Variants in MAD1L1 observed in about 807,000 individuals in gnomAD.
MAD1L1 encodes mitotic spindle assembly checkpoint protein MAD1.
A neutral mutation model predicts 96.9 loss-of-function variants in MAD1L1; 95 were observed. That is an observed-to-expected ratio of 0.98 (90% CI 0.83 to 1.16). The LOEUF is 1.16. Ranked by LOEUF, MAD1L1 falls within the 50% of genes most tolerant of loss-of-function variation. The probability of loss-of-function intolerance (pLI) is 0.00; values close to 1 mark genes in which losing one functional copy is unlikely to be tolerated. For synonymous variants in MAD1L1, 473 were observed against 396.6 expected (o/e 1.19, Z -2.29); for missense variants, 1,007 against 954.4 (o/e 1.06, Z -0.73).
intron 11 of MAD1L1, chr7:2,079,755 G>A (rs527551153): frequency 1.2e-4 from 57 of 470,918 alleles, no homozygotes; most frequent in South Asian, 7.6e-4. Context: ...CGGCAAGCAC[G>A]GCCGCAGGGA....
intron 10 of MAD1L1, among the ~76,000 whole-genome samples, chr7:2,167,223 C>A (rs1392207401): frequency 2.0e-5 from 3 of 152,174 alleles, no homozygotes; most frequent in Non-Finnish European, 4.4e-5. Context: ...TCAGAGATAA[C>A]AGGTGACATT....
chr7:1,889,453 C>A (rs113862945), intron 18 of MAD1L1, among the ~76,000 whole-genome samples: 1 of 152,204 alleles, frequency 6.6e-6, no homozygotes, highest in Non-Finnish European at 1.5e-5. Flanking sequence ...AGCTCTGGAC[C>A]CTAGGCCAGG....
intron 18 of MAD1L1, among the ~76,000 whole-genome samples, chr7:1,841,502 C>G (rs1287798894): frequency 6.6e-6 from 1 of 152,358 alleles, no homozygotes; most frequent in East Asian, 1.9e-4. Context: ...GCCTCCTGAC[C>G]TCGGCCTGGC....
chr7:2,191,577 A>G (rs1791719668), intron 10 of MAD1L1, among the ~76,000 whole-genome samples: 1 of 152,002 alleles, frequency 6.6e-6, no homozygotes, highest in Non-Finnish European at 1.5e-5. Context: ...CTAAAAATAC[A>G]AAAATTAGCT....
chr7:2,227,479 T>A (rs867722595), intron 3 of MAD1L1, among the ~76,000 whole-genome samples: 2 of 152,222 alleles, frequency 1.3e-5, no homozygotes, highest in African/African-American at 4.8e-5. Flanking sequence ...TGTCTGCTGC[T>A]GGCTGGCGTC....
intron 12 of MAD1L1, among the ~76,000 whole-genome samples, chr7:2,025,794 T>G (rs1032655583): frequency 1.3e-5 from 2 of 152,220 alleles, no homozygotes; most frequent in Admixed American, 1.3e-4. Flanking sequence ...GAAGTATTAA[T>G]TTTATTAGAC....
intron 1 of MAD1L1, among the ~76,000 whole-genome samples, chr7:2,232,352 G>A (rs1002127106): frequency 6.6e-6 from 1 of 152,372 alleles, no homozygotes; most frequent in East Asian, 1.9e-4. Context: ...GCCCAAACGA[G>A]ATCAGGGTGG....
At chr7:1,888,811 G>A (rs569388278) in intron 18 of MAD1L1, among the ~76,000 whole-genome samples, 2 of 152,330 alleles carry the variant, frequency 1.3e-5, no homozygotes, top group South Asian at 2.1e-4. Flanking sequence ...GTGGGTGGCT[G>A]TGCATGCGTG....
At chr7:1,964,386 G>A (rs924193179) in intron 15 of MAD1L1, among the ~76,000 whole-genome samples, 4 of 152,232 alleles carry the variant, frequency 2.6e-5, no homozygotes, top group African/African-American at 7.2e-5. Context: ...AATGACCTGC[G>A]TGACCCACCC....
At chr7:1,888,248 G>A (rs1026456821) in intron 18 of MAD1L1, among the ~76,000 whole-genome samples, 4 of 128,614 alleles carry the variant, frequency 3.1e-5, no homozygotes, top group African/African-American at 5.2e-5. Flanking sequence ...GGCTGCCTAT[G>A]CATCTGTATG....
At position 2,003,211 on chromosome 7, in the gene MAD1L1, C is replaced by A. The variant is rs368142856; in HGVS notation, c.1360-1090G>T. Among the ~76,000 whole-genome samples, 4 of 152,312 alleles carry A rather than the reference C, an allele frequency of 2.6e-5. No homozygotes were observed. In the South Asian group the frequency reaches 6.2e-4, roughly 24 times the overall value. On this transcript the variant is annotated intron_variant, in intron 13 of 18. Coordinates refer to ENST00000265854, the MANE Select transcript of MAD1L1 (RefSeq NM_001013836.2). ...TGCCTGGCCCAGCGGCAACTGGAAA[C>A]CACCAGGCAAGTCACCAGGAGAAAC...
intron 10 of MAD1L1, among the ~76,000 whole-genome samples, chr7:2,150,236 C>T (rs1362069173): frequency 6.6e-6 from 1 of 152,162 alleles, no homozygotes; most frequent in African/African-American, 2.4e-5. Context: ...TCGGGTGGAT[C>T]CCGGGCACAC....
chr7:2,070,707 G>A (rs1243429070), intron 11 of MAD1L1, among the ~76,000 whole-genome samples: 1 of 152,204 alleles, frequency 6.6e-6, no homozygotes, highest in Non-Finnish European at 1.5e-5. Context: ...ACACAGCACT[G>A]GGATAGAGAA....
chr7:2,145,462 GA>G (rs1562727752), intron 11 of MAD1L1, among the ~76,000 whole-genome samples: 1 of 152,246 alleles, frequency 6.6e-6, no homozygotes, highest in Non-Finnish European at 1.5e-5. Flanking sequence ...CATTCAGACA[GA>G]AACTTCAGTC....
At chr7:2,121,932 A>T (rs1788001636) in intron 11 of MAD1L1, among the ~76,000 whole-genome samples, 1 of 152,192 alleles carries the variant, frequency 6.6e-6, no homozygotes, top group African/African-American at 2.4e-5. Flanking sequence ...AGGGACCGGC[A>T]AAGGCGCACA....
intron 10 of MAD1L1, among the ~76,000 whole-genome samples, chr7:2,201,384 T>C (rs1333802942): frequency 6.6e-6 from 1 of 151,958 alleles, no homozygotes; most frequent in African/African-American, 2.4e-5. Context: ...CTGCTCTACC[T>C]GTAAAAGTAG....
At chr7:2,217,925 A>G (rs779494036) in intron 7 of MAD1L1, 37 bp downstream of exon 7, 26 of 1,559,784 alleles carry the variant, frequency 1.7e-5, no homozygotes, top group Non-Finnish European at 2.0e-5. Flanking sequence ...AGGCCACCAC[A>G]GGGATGTCCA....
chr7:1,936,817 C>T lies in MAD1L1; in HGVS notation c.1677G>A (p.Glu559=). Reference sequence around the variant, plus strand: ...ACTCCGCCTGCAGCTGGCTGTGGTCCTCGCGCAGGCGCTGCCTGGCCACAC... The same window carrying T: ...ACTCCGCCTGCAGCTGGCTGTGGTCTTCGCGCAGGCGCTGCCTGGCCACAC... ...PTSVARQRLR[E]DHSQLQAECE... is the part of the protein sequence containing the mutation. Residue 559 remains glutamate (E), a synonymous_variant, in exon 17 of 19, where the codon GAG becomes GAA. Coordinates refer to ENST00000265854, the MANE Select transcript of MAD1L1 (RefSeq NM_001013836.2). 1 of 1,600,512 alleles carries T rather than the reference C, an allele frequency of 6.2e-7. No homozygotes were observed.
chr7:1,932,039 GC>G (rs1562535143), intron 17 of MAD1L1, among the ~76,000 whole-genome samples: 2 of 152,202 alleles, frequency 1.3e-5, no homozygotes, highest in African/African-American at 4.8e-5. Flanking sequence ...GGCAGCCCAC[GC>G]CTGGCACACA....
Sources: gnomAD v4.1 joint callset for allele counts (sites outside exome capture counted in the v4.1 genomes callset) on GRCh38, gnomAD v4.1.1 for gene constraint, MANE v1.5 for transcripts, NCBI Gene and HGNC (gene_info 2026-07-23, HGNC 2026-07-21) for gene names.